Variants in GOPC observed in about 807,000 individuals in gnomAD.
GOPC encodes Golgi-associated PDZ and coiled-coil motif-containing protein.
Under a neutral mutation model 51.2 loss-of-function variants are expected in GOPC, and 32 were observed. The observed-to-expected ratio is 0.63, with a 90% CI of 0.47 to 0.84. The LOEUF is 0.84. Ranked by LOEUF, GOPC falls within the 40% of genes least tolerant of loss-of-function variation. GOPC has a pLI of 0.00. For missense variants in GOPC, 441 were observed against 555.5 expected, an observed-to-expected ratio of 0.79 and a Z score of 2.07; for synonymous variants, 190 against 205.1, an observed-to-expected ratio of 0.93 and a Z score of 0.63.
intron 1 of GOPC, among the ~76,000 whole-genome samples, chr6:117,585,999 A>G (rs1429661438): frequency 6.6e-6 from 1 of 152,260 alleles, no homozygotes; most frequent in Non-Finnish European, 1.5e-5. Flanking sequence ...ATTATGTCAC[A>G]TCTACCTATA....
At chr6:117,572,385 C>T (rs1779819396) in intron 5 of GOPC, among the ~76,000 whole-genome samples, 1 of 152,152 alleles carries the variant, frequency 6.6e-6, no homozygotes, top group Non-Finnish European at 1.5e-5. Context: ...TCACTTTCTC[C>T]TTGGATGACC....
chr6:117,602,126 T>G lies in GOPC; in HGVS notation c.163A>C (p.Ile55Leu). 1.9e-6 allele frequency: 3 copies of G among 1,614,068 alleles called. No homozygotes were observed. The highest frequency in any genetic ancestry group is 2.5e-6 in the Non-Finnish European group (3 of 1,180,020). ...GTGATGTCCGCTTGGTCTGGATCGA[T>G]CTCTCCCAGGAGCAGATCCACATCC... ...FVDVDLLLGE[I>L]DPDQADITYE... The change falls in exon 1 of 9, where the codon ATC becomes CTC. Residue 55 changes from isoleucine (I) to leucine (L), a missense_variant. Ile to Leu is a conservative substitution (Grantham distance 5). Transcript: ENST00000368498.
Position 117,564,144 on chromosome 6 carries a change from T to C in GOPC, c.1259-760A>G, listed in dbSNP as rs942303487. ...AAGCATGTGCCACCATGTCCAGCTA[T>C]ATTTTAAAAATTTTTTTGAAGAGAC... On this transcript the variant is annotated intron_variant, in intron 8 of 8. Coordinates refer to ENST00000368498, the MANE Select transcript of GOPC (RefSeq NM_020399.4). Among the ~76,000 whole-genome samples, 6 of 152,094 alleles carry C rather than the reference T, an allele frequency of 3.9e-5. No individual in the cohort carries two copies. The South Asian group carries it at 1.2e-3, about 32-fold the overall frequency.
At chr6:117,601,374 C>T (rs1161643402) in intron 1 of GOPC, among the ~76,000 whole-genome samples, 1 of 152,094 alleles carries the variant, frequency 6.6e-6, no homozygotes, top group African/African-American at 2.4e-5. Context: ...AATGTACAAG[C>T]ATATAAAAAC....
intron 1 of GOPC, among the ~76,000 whole-genome samples, chr6:117,589,908 A>C (rs929386222): frequency 1.3e-5 from 2 of 152,124 alleles, no homozygotes; most frequent in African/African-American, 4.8e-5. Context: ...CATGATGTTT[A>C]AAGTTATTTT....
In GOPC at chr6:117,602,482, C is replaced by T. The variant is rs1772036581; in HGVS notation, c.-194G>A. ...GAGGCTGAAGCTGAGGCGGCAACGG[C>T]GGCGACACACGGAAGACTCAGTCAG... is the stretch of plus-strand genomic sequence containing the variant. On this transcript the variant is annotated 5_prime_UTR_variant, in exon 1 of 9. Coordinates refer to ENST00000368498, the MANE Select transcript of GOPC (RefSeq NM_020399.4). 1.7e-6 allele frequency: 1 copy of T among 599,806 alleles called. No individual in the cohort carries two copies. Among genetic ancestry groups the T allele is most frequent in the Non-Finnish European group, 2.9e-6 (1 of 340,544 alleles). The allele number at this position is 599,806 out of a possible 1,614,324, so 37.2% of individuals were successfully genotyped here.
chr6:117,569,496 G>A (rs567260598), intron 7 of GOPC, 76 bp downstream of exon 7: 11 of 1,530,318 alleles, frequency 7.2e-6, no homozygotes, highest in African/African-American at 7.2e-5. Flanking sequence ...TAGAAACTTC[G>A]TAGGGAAGTA....
rs1254429848 is a variant in GOPC at position 117,602,394 on chromosome 6, G to GTCACCTCCCT, written c.-116_-107dup. On this transcript the variant is annotated 5_prime_UTR_variant, in exon 1 of 9. Coordinates refer to ENST00000368498, the MANE Select transcript of GOPC (RefSeq NM_020399.4). ...ACCCCCGCGCGCGCGGGCACACTCC[G>GTCACCTCCCT]TCACCTCCCTTCACCTCGCGCCGTT... 3.6e-6 allele frequency: 4 copies of GTCACCTCCCT among 1,097,704 alleles called. No homozygotes were observed. The African/African-American group carries it at 6.3e-5, about 17-fold the overall frequency. The allele number at this position is 1,097,704 out of a possible 1,614,324, so 68.0% of individuals were successfully genotyped here.
At chr6:117,600,753 T>C (rs577070974) in intron 1 of GOPC, among the ~76,000 whole-genome samples, 20 of 152,350 alleles carry the variant, frequency 1.3e-4, no homozygotes, top group Non-Finnish European at 2.5e-4. Flanking sequence ...TGGAAATTAC[T>C]ACCAATAAAG....
intron 3 of GOPC, among the ~76,000 whole-genome samples, chr6:117,576,147 T>TA (rs536298410): frequency 2.0e-5 from 3 of 151,620 alleles, no homozygotes; most frequent in African/African-American, 7.3e-5. Flanking sequence ...ACGATAATCC[T>TA]AAAAAAAATA....
chr6:117,588,648 A>G (rs1228195444), intron 1 of GOPC, among the ~76,000 whole-genome samples: 3 of 152,166 alleles, frequency 2.0e-5, no homozygotes, highest in African/African-American at 7.2e-5. Context: ...TTTAGAAAAT[A>G]TAATTACATT....
At chr6:117,564,846 C>T (rs1387639046) in intron 8 of GOPC, among the ~76,000 whole-genome samples, 1 of 152,160 alleles carries the variant, frequency 6.6e-6, no homozygotes, top group Non-Finnish European at 1.5e-5. Context: ...TCAAGATGCA[C>T]AGTGAAAACA....
In GOPC at chr6:117,602,083, T is replaced by C; in HGVS notation, c.206A>G (p.Lys69Arg). ...QADITYEGRQ[K>R]MTSLSSCFAQ... ...AAAGCAGGAGCTCAGGCTGGTCATC[T>C]TCTGTCGCCCCTCATAAGTGATGTC... Residue 69 changes from lysine to arginine, a missense_variant, in exon 1 of 9, where the codon AAG (lysine) becomes AGG (arginine). Coordinates refer to ENST00000368498, the MANE Select transcript of GOPC (RefSeq NM_020399.4). 1 of 1,614,172 alleles carries C rather than the reference T, an allele frequency of 6.2e-7. No homozygotes were observed. Among genetic ancestry groups the C allele is most frequent in the Admixed American group, 1.7e-5 (1 of 60,024 alleles).
intron 8 of GOPC, among the ~76,000 whole-genome samples, chr6:117,566,406 A>G (rs1779697488): frequency 6.6e-6 from 1 of 152,178 alleles, no homozygotes; most frequent in African/African-American, 2.4e-5. Context: ...TAAACCAAAC[A>G]TCCCCAAGAT....
chr6:117,581,080 C>A (rs1779950285), intron 1 of GOPC, among the ~76,000 whole-genome samples: 1 of 151,940 alleles, frequency 6.6e-6, no homozygotes, highest in Admixed American at 6.6e-5. Flanking sequence ...TTGTGTCAAC[C>A]ATGATATAAT....
rs1554196365 is a variant in GOPC at position 117,601,996 on chromosome 6, C to A, written c.285+8G>T. 1 of 1,612,894 alleles carries A rather than the reference C, an allele frequency of 6.2e-7. No individual in the cohort carries two copies. Among genetic ancestry groups the A allele is most frequent in the Non-Finnish European group, 8.5e-7 (1 of 1,179,018 alleles). On this transcript the variant is annotated splice_region_variant and intron_variant, in intron 1 of 8. Coordinates refer to ENST00000368498, the MANE Select transcript of GOPC (RefSeq NM_020399.4). ...TGGATGCCATAGCCGCCAGCACCCA[C>A]GGCTCACCTCCAGCTTGTGGTTGAT...
chr6:117,579,432 G>A (rs1447599569), intron 1 of GOPC, among the ~76,000 whole-genome samples: 5 of 152,052 alleles, frequency 3.3e-5, no homozygotes, highest in Non-Finnish European at 7.4e-5. Flanking sequence ...TGCTGTGGTG[G>A]ATCACTAACA....
chr6:117,589,986 G>C (rs1780091361), intron 1 of GOPC, among the ~76,000 whole-genome samples: 1 of 152,102 alleles, frequency 6.6e-6, no homozygotes, highest in Non-Finnish European at 1.5e-5. Context: ...ATATGCTTGT[G>C]AATTACATAC....
intron 1 of GOPC, among the ~76,000 whole-genome samples, chr6:117,585,408 C>T (rs557447812): frequency 1.3e-5 from 2 of 152,292 alleles, no homozygotes; most frequent in African/African-American, 4.8e-5. Flanking sequence ...AATTTGTGAA[C>T]ATCAAGTTGC....
Sources: gnomAD v4.1 joint callset for allele counts (sites outside exome capture counted in the v4.1 genomes callset) on GRCh38, gnomAD v4.1.1 for gene constraint, MANE v1.5 for transcripts, NCBI Gene and HGNC (gene_info 2026-07-23, HGNC 2026-07-21) for gene names.